Variants in F13A1 observed in about 807,000 individuals in gnomAD.
F13A1 encodes coagulation factor XIII A chain, also known as FSF, A subunit.
F13A1 carries 47 observed loss-of-function variants against 80.1 expected under a neutral mutation model. The ratio of observed to expected loss-of-function variants is 0.59; its 90% CI spans 0.46 to 0.75. F13A1 has a LOEUF of 0.75. F13A1 is among the 30% of genes least tolerant of loss of function. The pLI is 0.00. For synonymous variants in F13A1, 349 were observed against 344.9 expected (o/e 1.01, Z -0.13); for missense variants, 817 against 930.4 (o/e 0.88, Z 1.59).
chr6:6,208,675 A>G (rs1028687385), intron 8 of F13A1, among the ~76,000 whole-genome samples: 2 of 152,168 alleles, frequency 1.3e-5, no homozygotes, highest in African/African-American at 4.8e-5. Flanking sequence ...CAAATCTCAG[A>G]CCTGAGTGAA....
At chr6:6,278,939 T>G (rs1445934462) in intron 3 of F13A1, among the ~76,000 whole-genome samples, 1 of 152,364 alleles carries the variant, frequency 6.6e-6, no homozygotes, top group Admixed American at 6.5e-5. Flanking sequence ...AGGATTGCTA[T>G]GAAGATCTCT....
intron 8 of F13A1, among the ~76,000 whole-genome samples, chr6:6,204,383 T>C (rs988829039): frequency 2.0e-5 from 3 of 152,258 alleles, no homozygotes; most frequent in Admixed American, 6.5e-5. Flanking sequence ...ACTTCAACTG[T>C]AAACCAAGGG....
intron 3 of F13A1, among the ~76,000 whole-genome samples, chr6:6,304,346 A>T (rs1480922570): frequency 2.6e-5 from 4 of 152,098 alleles, no homozygotes; most frequent in African/African-American, 9.7e-5. Context: ...ATAGGATTAT[A>T]TGGGCAGATT....
At chr6:6,190,949 G>T (rs542494155) in intron 10 of F13A1, among the ~76,000 whole-genome samples, 1 of 152,068 alleles carries the variant, frequency 6.6e-6, no homozygotes. Context: ...TAAGCCCGTC[G>T]GAAAAGCGCA....
chr6:6,218,655 C>G (rs1757140539), intron 8 of F13A1, among the ~76,000 whole-genome samples: 1 of 152,296 alleles, frequency 6.6e-6, no homozygotes, highest in South Asian at 2.1e-4. Context: ...TTGGCGTCAA[C>G]AGTGGGGCCG....
At chr6:6,227,619 G>C (rs964010786) in intron 6 of F13A1, among the ~76,000 whole-genome samples, 2 of 152,160 alleles carry the variant, frequency 1.3e-5, no homozygotes, top group African/African-American at 2.4e-5. Context: ...TGGGTAGGTA[G>C]GTTTAGCTTT....
At chr6:6,233,587 A>G (rs1757378653) in intron 6 of F13A1, among the ~76,000 whole-genome samples, 1 of 152,166 alleles carries the variant, frequency 6.6e-6, no homozygotes, top group South Asian at 2.1e-4. Context: ...AACCCTCCCA[A>G]ATTCATTCTA....
At chr6:6,187,658 A>C in intron 10 of F13A1, among the ~76,000 whole-genome samples, 2 of 79,882 alleles carry the variant, frequency 2.5e-5, no homozygotes, top group African/African-American at 5.9e-5. Flanking sequence ...ATCAATGTTC[A>C]TCAAGGATAT....
In F13A1 at chr6:6,263,152, C is replaced by T. The variant is rs138294027; in HGVS notation, c.571+3406G>A. On this transcript the variant is annotated intron_variant, in intron 4 of 14. Transcript: ENST00000264870. ...CTCTCTCTTGTCTTTAAAAAATTCT[C>T]CTTTGACCTTCGCTTCAACATCTAG... Among the ~76,000 whole-genome samples, 284 of 152,326 alleles carry T rather than the reference C, an allele frequency of 1.9e-3. 2 individuals carry two copies. Among genetic ancestry groups the T allele is most frequent in the Admixed American group, 3.9e-3 (60 of 15,306 alleles).
intron 4 of F13A1, among the ~76,000 whole-genome samples, chr6:6,260,552 T>A (rs375793444): frequency 1.3e-5 from 2 of 152,342 alleles, no homozygotes; most frequent in African/African-American, 4.8e-5. Context: ...AGCATAAAAC[T>A]GCAGGGGACT....
At chr6:6,189,874 A>T (rs569088234) in intron 10 of F13A1, among the ~76,000 whole-genome samples, 1 of 152,040 alleles carries the variant, frequency 6.6e-6, no homozygotes, top group Admixed American at 6.6e-5. Flanking sequence ...TGAGACGTAG[A>T]TTTGGTCTTT....
At chr6:6,288,741 A>C (rs1247877599) in intron 3 of F13A1, among the ~76,000 whole-genome samples, 3 of 152,222 alleles carry the variant, frequency 2.0e-5, no homozygotes, top group African/African-American at 7.2e-5. Flanking sequence ...CGACTTTCCA[A>C]AACAGCTGCC....
At chr6:6,271,897 T>TC (rs761849397) in intron 3 of F13A1, among the ~76,000 whole-genome samples, 2 of 152,170 alleles carry the variant, frequency 1.3e-5, no homozygotes, top group Non-Finnish European at 2.9e-5. Flanking sequence ...CCTACCTTAA[T>TC]CCCCCCAGCT....
intron 4 of F13A1, among the ~76,000 whole-genome samples, chr6:6,264,932 C>T (rs1008697064): frequency 3.3e-5 from 5 of 152,092 alleles, no homozygotes; most frequent in Non-Finnish European, 7.4e-5. Flanking sequence ...GTAGGAATAG[C>T]TTGGCGCCTT....
At chr6:6,151,709 G>T in intron 14 of F13A1, 104 bp downstream of exon 14, 1 of 1,524,920 alleles carries the variant, frequency 6.6e-7, no homozygotes, top group Non-Finnish European at 9.1e-7. Flanking sequence ...CAGCTTCCAA[G>T]ACATTTTCAC....
intron 3 of F13A1, among the ~76,000 whole-genome samples, chr6:6,296,550 C>T (rs1389719009): frequency 2.6e-5 from 4 of 151,040 alleles, no homozygotes; most frequent in Non-Finnish European, 5.9e-5. Flanking sequence ...CTCTGTTTGT[C>T]TGTTGCTGGT....
intron 3 of F13A1, among the ~76,000 whole-genome samples, chr6:6,270,047 G>C (rs1757900580): frequency 1.3e-5 from 2 of 152,266 alleles, no homozygotes; most frequent in South Asian, 4.1e-4. Flanking sequence ...TTGGAACACA[G>C]TTATGTTGAT....
chr6:6,183,422 A>C (rs1316996827), intron 10 of F13A1, among the ~76,000 whole-genome samples: 1 of 152,248 alleles, frequency 6.6e-6, no homozygotes, highest in East Asian at 1.9e-4. Context: ...ATGATGAACA[A>C]AATAGATTTG....
chr6:6,235,394 A>C (rs1757401536), intron 6 of F13A1, among the ~76,000 whole-genome samples: 1 of 151,630 alleles, frequency 6.6e-6, no homozygotes, highest in Non-Finnish European at 1.5e-5. Context: ...GATTAAAAAG[A>C]AAAAACTTGT....
Sources: allele counts gnomAD v4.1 joint callset (sites outside exome capture counted in the v4.1 genomes callset), GRCh38; gene constraint gnomAD v4.1.1; transcripts MANE v1.5; gene names NCBI Gene and HGNC (gene_info 2026-07-23, HGNC 2026-07-21).